Variants in DENND4C observed in about 807,000 individuals in gnomAD.
DENND4C encodes the protein DENN domain containing 4C.
A neutral mutation model predicts 203.0 loss-of-function variants in DENND4C; 108 were observed. The observed-to-expected ratio is 0.53, with a 90% CI of 0.46 to 0.62. The LOEUF (loss-of-function observed/expected upper bound fraction) is 0.62, where lower values mean the gene tolerates loss of function less well. Ranked by LOEUF, DENND4C falls within the 20% of genes least tolerant of loss-of-function variation. The probability of loss-of-function intolerance (pLI) is 0.00; values close to 1 mark genes in which losing one functional copy is unlikely to be tolerated. For synonymous variants in DENND4C, 871 were observed against 792.4 expected (o/e 1.10, Z -1.67); for missense variants, 2,481 against 2,301.2 (o/e 1.08, Z -1.60).
Position 19,369,883 on chromosome 9 carries a change from A to G in DENND4C, c.5571A>G (p.Thr1857=). 1 of 1,612,548 alleles carries G rather than the reference A, an allele frequency of 6.2e-7. No homozygotes were observed. Among genetic ancestry groups the G allele is most frequent in the Non-Finnish European group, 8.5e-7 (1 of 1,179,410 alleles). Reference sequence around the variant, plus strand: ...TCCTGTCAGAGGAACAACAAGAAACAAGCACTTTAGTAGAAACCATCAGGC... The same window carrying G: ...TCCTGTCAGAGGAACAACAAGAAACGAGCACTTTAGTAGAAACCATCAGGC... ...SSLLSEEQQE[T]STLVETIRQS... Residue 1857 remains threonine (T), a synonymous_variant, in exon 31 of 33, where the codon ACA becomes ACG. Coordinates refer to ENST00000434457, the MANE Select transcript of DENND4C (RefSeq NM_001330640.2).
intron 2 of DENND4C, among the ~76,000 whole-genome samples, chr9:19,285,439 T>A (rs1369247975): frequency 6.6e-6 from 1 of 152,132 alleles, no homozygotes; most frequent in African/African-American, 2.4e-5. Flanking sequence ...AGAAACCCCA[T>A]ACCCATTAGC....
chr9:19,290,962 G>A, intron 5 of DENND4C, 86 bp downstream of exon 5: 1 of 1,309,522 alleles, frequency 7.6e-7, no homozygotes, highest in South Asian at 1.5e-5. Flanking sequence ...TTGAATGTTA[G>A]GATTATTTGG....
intron 1 of DENND4C, among the ~76,000 whole-genome samples, chr9:19,232,510 T>G (rs969570316): frequency 6.6e-6 from 1 of 152,196 alleles, no homozygotes; most frequent in Non-Finnish European, 1.5e-5. Context: ...GTTAGAAATG[T>G]TGTCGTTGTA....
At chr9:19,371,429 T>G (rs573358693) in intron 31 of DENND4C, 1 of 171,190 alleles carries the variant, frequency 5.8e-6, no homozygotes, top group Non-Finnish European at 1.2e-5. Context: ...AAAACAGTTA[T>G]GTATTGTTGA....
Position 19,346,875 on chromosome 9 carries a change from A to C in DENND4C, c.4106A>C (p.Lys1369Thr). The change falls in exon 23 of 33, where the codon AAA (lysine) becomes ACA (threonine). Residue 1369 changes from lysine to threonine, a missense_variant. By Grantham distance (78) the Lys-to-Thr change is moderately conservative. This residue lies in a region of DENND4C where 2,289 missense variants were observed against 2,113.3 expected (regional missense o/e 1.08). Coordinates refer to ENST00000434457, the MANE Select transcript of DENND4C (RefSeq NM_001330640.2). ...CAGCAAACCCCCTCTCGAACTCATA[A>C]AGAACGTTCAACTTCTTTGTCAGCA... is the stretch of plus-strand genomic sequence containing the variant. ...FKQQTPSRTHKERSTSLSALV... is the reference protein window; with the variant it reads ...FKQQTPSRTHTERSTSLSALV... The C allele has an allele frequency of 6.2e-7, 1 of 1,614,204 alleles. No individual in the cohort carries two copies. Among genetic ancestry groups the C allele is most frequent in the South Asian group, 1.1e-5 (1 of 91,078 alleles).
Position 19,353,123 on chromosome 9 carries a change from ACTCTT to A in DENND4C, c.4781+464_4781+468del, listed in dbSNP as rs536991657. Among the ~76,000 whole-genome samples the A allele has an allele frequency of 2.2e-4, 33 of 152,102 alleles. 1 individual carries two copies. In the South Asian group the frequency reaches 6.7e-3, roughly 31 times the overall value. Reference sequence around the variant, plus strand: ...AAACAAAGGGGAAAAAAAGGCTTCAACTCTTCTCTTGTCACTTGCACGTCCTAGTA... The same window carrying A: ...AAACAAAGGGGAAAAAAAGGCTTCAACTCTTGTCACTTGCACGTCCTAGTA... On this transcript the variant is annotated intron_variant, in intron 26 of 32. Transcript: ENST00000434457.
intron 1 of DENND4C, among the ~76,000 whole-genome samples, chr9:19,274,044 A>G (rs1832331987): frequency 1.3e-5 from 2 of 152,078 alleles, no homozygotes; most frequent in South Asian, 4.1e-4. Context: ...ACATTGTGGT[A>G]TATTCATTCA....
chr9:19,248,694 C>A (rs1303894568), intron 1 of DENND4C, among the ~76,000 whole-genome samples: 4 of 151,718 alleles, frequency 2.6e-5, no homozygotes, highest in African/African-American at 9.7e-5. Flanking sequence ...CTGGCTAGAT[C>A]TTACTTATTT....
intron 12 of DENND4C, among the ~76,000 whole-genome samples, chr9:19,319,381 C>G (rs1470343857): frequency 1.5e-5 from 2 of 135,300 alleles, no homozygotes; most frequent in East Asian, 4.1e-4. Context: ...TATACACATA[C>G]ATATATATAT....
rs58031665 is a variant in DENND4C at position 19,235,609 on chromosome 9, C to CTTTTTTTT, written c.-18+4788_-18+4795dup. On this transcript the variant is annotated intron_variant, in intron 1 of 32. Coordinates refer to ENST00000434457, the MANE Select transcript of DENND4C (RefSeq NM_001330640.2). The stretch of plus-strand genomic sequence containing the variant: ...ATCTGTTGGTTTACAGAAGAGTCAT[C>CTTTTTTTT]TTTTTTTTTTTTTTTTTTTGAGACG... Among the ~76,000 whole-genome samples the CTTTTTTTT allele has an allele frequency of 1.7e-4, 20 of 118,942 alleles. 1 individual carries two copies. The highest frequency in any genetic ancestry group is 2.2e-4 in the Non-Finnish European group (13 of 59,152). 78.0% of individuals were successfully genotyped at this position (118,942 alleles called of 152,430 possible).
At chr9:19,281,544 C>T (rs1020226817) in intron 2 of DENND4C, among the ~76,000 whole-genome samples, 1 of 152,114 alleles carries the variant, frequency 6.6e-6, no homozygotes, top group Non-Finnish European at 1.5e-5. Flanking sequence ...GTCTTTTTTA[C>T]TGTTTTATAA....
chr9:19,329,361 G>T (rs930397871), intron 16 of DENND4C, among the ~76,000 whole-genome samples: 4 of 152,118 alleles, frequency 2.6e-5, no homozygotes, highest in African/African-American at 9.7e-5. Flanking sequence ...TAACATTTCA[G>T]GATTCATCCA....
intron 26 of DENND4C, among the ~76,000 whole-genome samples, chr9:19,355,840 T>C (rs1825269843): frequency 6.6e-6 from 1 of 152,156 alleles, no homozygotes. Context: ...TTGACTTTTC[T>C]ATTATTATTA....
intron 18 of DENND4C, among the ~76,000 whole-genome samples, chr9:19,335,528 C>T (rs576253134): frequency 6.6e-6 from 1 of 152,240 alleles, no homozygotes; most frequent in South Asian, 2.1e-4. Flanking sequence ...CTCCCAAAGC[C>T]CCTGGTAACC....
At chr9:19,303,449 A>T (rs543678700) in intron 9 of DENND4C, among the ~76,000 whole-genome samples, 2 of 152,316 alleles carry the variant, frequency 1.3e-5, no homozygotes, top group African/African-American at 4.8e-5. Flanking sequence ...GCTTTCATGC[A>T]TGACAGCAGA....
chr9:19,367,748 G>GA (rs1249635225), intron 30 of DENND4C, among the ~76,000 whole-genome samples: 4 of 150,554 alleles, frequency 2.7e-5, no homozygotes, highest in African/African-American at 4.9e-5. Context: ...TCAAAAACAA[G>GA]AAAAAAAAAT....
chr9:19,363,087 G>A (rs1225417071), intron 30 of DENND4C, among the ~76,000 whole-genome samples: 1 of 152,188 alleles, frequency 6.6e-6, no homozygotes, highest in Admixed American at 6.5e-5. Context: ...GGTTTCTTCT[G>A]AGGCCTCTCT....
rs1045860763 is a variant in DENND4C, at chr9:19,369,315, A to G, written c.5525-522A>G. Among the ~76,000 whole-genome samples the G allele has an allele frequency of 2.0e-5, 3 of 152,108 alleles. No homozygotes were observed. In the East Asian group the frequency reaches 5.8e-4, roughly 29 times the overall value. On this transcript the variant is annotated intron_variant, in intron 30 of 32. Coordinates refer to ENST00000434457, the MANE Select transcript of DENND4C (RefSeq NM_001330640.2). Reference sequence around the variant, plus strand: ...CCAGCCTCAGGCAGTAAGCCACCATATATTAGAAGAGAAAGGCAGAGTGAC... The same window carrying G: ...CCAGCCTCAGGCAGTAAGCCACCATGTATTAGAAGAGAAAGGCAGAGTGAC...
chr9:19,334,883 T>G, intron 17 of DENND4C, 94 bp from the exon 18 acceptor site: 1 of 1,262,952 alleles, frequency 7.9e-7, no homozygotes, highest in Non-Finnish European at 1.1e-6. Flanking sequence ...AAAATACTGC[T>G]TAATAACTTC....
Sources: gnomAD v4.1 joint callset for allele counts (sites outside exome capture counted in the v4.1 genomes callset) on GRCh38, gnomAD v4.1.1 for gene constraint, gnomAD v4.1.1 regional missense constraint, MANE v1.5 for transcripts, NCBI Gene and HGNC (gene_info 2026-07-23, HGNC 2026-07-21) for gene names.